KIRREL1: variants seen among roughly 807,000 people sequenced by gnomAD.
KIRREL1 encodes kin of IRRE-like protein 1.
Under a neutral mutation model 83.3 loss-of-function variants are expected in KIRREL1, and 25 were observed. The observed-to-expected ratio is 0.30, with a 90% confidence interval of 0.22 to 0.42. The LOEUF (loss-of-function observed/expected upper bound fraction) is 0.42, where lower values mean the gene tolerates loss of function less well. KIRREL1 is among the 10% of genes least tolerant of loss of function. The pLI is 1.00. For synonymous variants in KIRREL1, 388 were observed against 410.4 expected, an observed-to-expected ratio of 0.95 and a Z score of 0.66; for missense variants, 812 against 1,032.3, an observed-to-expected ratio of 0.79 and a Z score of 2.92.
chr1:158,019,982 C>T (rs1265395641), intron 1 of KIRREL1, among the ~76,000 whole-genome samples: 1 of 151,956 alleles, frequency 6.6e-6, no homozygotes, highest in Non-Finnish European at 1.5e-5. Flanking sequence ...AGCATTTTTC[C>T]CAGGGTGAAT....
chr1:158,087,875 G>A lies in KIRREL1; in HGVS notation c.767+15G>A, dbSNP rs1407674767. 1.9e-6 allele frequency: 3 copies of A among 1,612,246 alleles called. No individual in the cohort carries two copies. The highest frequency in any genetic ancestry group is 2.5e-6 in the Non-Finnish European group (3 of 1,178,568). On this transcript the variant is annotated intron_variant, in intron 6 of 14. Transcript: ENST00000359209. ...TTGGGCTACAGGTGAGGGGGTCAGA[G>A]GCTGGGAGCGCTCTGGGGAGTGATA...
chr1:158,064,672 A>G (rs114615230), intron 1 of KIRREL1, among the ~76,000 whole-genome samples: 1 of 152,264 alleles, frequency 6.6e-6, no homozygotes, highest in Admixed American at 6.5e-5. Context: ...ACAACTGTTA[A>G]TGTCTATCCT....
intron 1 of KIRREL1, among the ~76,000 whole-genome samples, chr1:158,024,800 G>C (rs538304401): frequency 1.1e-4 from 16 of 152,308 alleles, no homozygotes; most frequent in African/African-American, 3.4e-4. Context: ...CCTGACCTCA[G>C]AATTGAAGCA....
Position 158,095,262 on chromosome 1 carries a change from TC to T in KIRREL1, c.*145del. 1 of 654,556 alleles carries T rather than the reference TC, an allele frequency of 1.5e-6. No homozygotes were observed. The highest frequency in any genetic ancestry group is 2.6e-6 in the Non-Finnish European group (1 of 387,426). 40.5% of individuals were successfully genotyped at this position (654,556 alleles called of 1,614,324 possible). On this transcript the variant is annotated 3_prime_UTR_variant, in exon 15 of 15. Transcript: ENST00000359209. ...CACCATGGCAGGTGGGGAGCAGGTC[TC>T]CCAGAAACACCCCGTCCCGAGGATG... is the stretch of plus-strand genomic sequence containing the variant.
intron 1 of KIRREL1, among the ~76,000 whole-genome samples, chr1:157,996,496 C>T (rs1390208965): frequency 6.6e-6 from 1 of 152,030 alleles, no homozygotes; most frequent in Non-Finnish European, 1.5e-5. Flanking sequence ...ATAAGCCCAC[C>T]CAGCCCCCAG....
rs867323877 is a variant in KIRREL1, at chr1:158,098,210, C to T, written c.*3090C>T. The stretch of plus-strand genomic sequence containing the variant: ...CAGAGTAAAATTGATGTGGGGCTAT[C>T]CTTTGGCTATCGGGTCATCTGTGCT... On this transcript the variant is annotated 3_prime_UTR_variant, in exon 15 of 15. Transcript: ENST00000359209. 1.3e-5 allele frequency: 2 copies of T among 152,254 alleles called. No homozygotes were observed. Among genetic ancestry groups the T allele is most frequent in the Admixed American group, 6.5e-5 (1 of 15,288 alleles). 9.4% of individuals were successfully genotyped at this position (152,254 alleles called of 1,614,324 possible).
chr1:158,051,561 T>A (rs1157377607), intron 1 of KIRREL1, among the ~76,000 whole-genome samples: 1 of 152,232 alleles, frequency 6.6e-6, no homozygotes, highest in African/African-American at 2.4e-5. Flanking sequence ...TAACTTCTTG[T>A]TTCCTCCTTT....
intron 1 of KIRREL1, among the ~76,000 whole-genome samples, chr1:157,998,167 G>A (rs1252517322): frequency 6.6e-6 from 1 of 152,162 alleles, no homozygotes; most frequent in Non-Finnish European, 1.5e-5. Flanking sequence ...ACTGTACCTG[G>A]CCAAGAAACT....
intron 1 of KIRREL1, among the ~76,000 whole-genome samples, chr1:158,029,333 A>T (rs1346481328): frequency 1.4e-4 from 5 of 35,938 alleles, no homozygotes; most frequent in Non-Finnish European, 3.9e-4. Context: ...GCTGTAACAA[A>T]AACCTGTGTG....
rs1050547373 is a variant in KIRREL1, at chr1:158,100,184, T to C, written c.*5064T>C. Reference sequence around the variant, plus strand: ...CTTTTTTTAAAAATATTATGTACTATATTTTTAGTCTCAAACACACTATAT... The same window carrying C: ...CTTTTTTTAAAAATATTATGTACTACATTTTTAGTCTCAAACACACTATAT... On this transcript the variant is annotated 3_prime_UTR_variant, in exon 15 of 15. Transcript: ENST00000359209. The C allele has an allele frequency of 2.7e-5, 4 of 150,060 alleles. No individual in the cohort carries two copies. The highest frequency in any genetic ancestry group is 9.7e-5 in the African/African-American group (4 of 41,138). The allele number at this position is 150,060 out of a possible 1,614,324, so 9.3% of individuals were successfully genotyped here.
At chr1:158,093,311 C>G (rs762740707) in intron 11 of KIRREL1, 28 bp from the exon 12 acceptor site, 3 of 1,582,848 alleles carry the variant, frequency 1.9e-6, no homozygotes, top group Admixed American at 3.3e-5. Context: ...CCAGCCTCAC[C>G]CCTCCACCTT....
At chr1:158,078,217 C>T in intron 3 of KIRREL1, 77 bp downstream of exon 3, 1 of 1,459,552 alleles carries the variant, frequency 6.9e-7, no homozygotes, top group East Asian at 2.3e-5. Context: ...CTCTCCAGTT[C>T]CCTCTTTAAT....
At chr1:158,012,366 C>T (rs1280973138) in intron 1 of KIRREL1, among the ~76,000 whole-genome samples, 1 of 152,134 alleles carries the variant, frequency 6.6e-6, no homozygotes, top group African/African-American at 2.4e-5. Context: ...CACCTCCTAC[C>T]CGTGTGACCT....
At chr1:158,011,925 C>T (rs957574854) in intron 1 of KIRREL1, among the ~76,000 whole-genome samples, 1 of 152,128 alleles carries the variant, frequency 6.6e-6, no homozygotes, top group Non-Finnish European at 1.5e-5. Context: ...TCTTCCCCCT[C>T]AATGTTGAGC....
At chr1:158,077,022 G>C (rs906812095) in intron 2 of KIRREL1, among the ~76,000 whole-genome samples, 2 of 152,218 alleles carry the variant, frequency 1.3e-5, no homozygotes, top group African/African-American at 4.8e-5. Context: ...TTGCAGGCCG[G>C]TCTGCCTTAG....
intron 1 of KIRREL1, among the ~76,000 whole-genome samples, chr1:158,017,353 C>CGAAAA (rs1659857595): frequency 6.6e-6 from 1 of 152,102 alleles, no homozygotes; most frequent in Non-Finnish European, 1.5e-5. Flanking sequence ...TCCTTCTTTT[C>CGAAAA]CTTTTACATT....
chr1:158,087,998 TCC>T lies in KIRREL1; in HGVS notation c.768-5_768-4del, dbSNP rs760482781. 1 of 1,614,038 alleles carries T rather than the reference TCC, an allele frequency of 6.2e-7. No homozygotes were observed. Among genetic ancestry groups the T allele is most frequent in the Non-Finnish European group, 8.5e-7 (1 of 1,179,946 alleles). On this transcript the variant is annotated splice_region_variant and splice_polypyrimidine_tract_variant and intron_variant, in intron 6 of 14. Coordinates refer to ENST00000359209, the MANE Select transcript of KIRREL1 (RefSeq NM_018240.7). Reference sequence around the variant, plus strand: ...CTGATCCCACCTCTGTGTTGCCTCCTCCCCTAGGTGGGCCAAAGGGGGTTTCT... The same window carrying T: ...CTGATCCCACCTCTGTGTTGCCTCCTCCTAGGTGGGCCAAAGGGGGTTTCT...
chr1:158,034,866 A>G (rs1438904506), intron 1 of KIRREL1, among the ~76,000 whole-genome samples: 1 of 152,190 alleles, frequency 6.6e-6, no homozygotes, highest in Admixed American at 6.5e-5. Context: ...TCACACGTTT[A>G]TTTCTCATGC....
chr1:158,056,491 G>A (rs756353338), intron 1 of KIRREL1, among the ~76,000 whole-genome samples: 6 of 152,190 alleles, frequency 3.9e-5, no homozygotes, highest in Non-Finnish European at 7.3e-5. Flanking sequence ...ACCAGGAGAG[G>A]CAGGGGTCAG....
Sources: gnomAD v4.1 joint callset for allele counts (sites outside exome capture counted in the v4.1 genomes callset) on GRCh38, gnomAD v4.1.1 for gene constraint, MANE v1.5 for transcripts, NCBI Gene and HGNC (gene_info 2026-07-23, HGNC 2026-07-21) for gene names.